The following MROH1 variants were observed in gnomAD, a reference collection of about 807,000 sequenced individuals.
MROH1 encodes maestro heat like repeat family member 1, also known as maestro heat-like repeat-containing protein family member 1.
Under a neutral mutation model 116.5 loss-of-function variants are expected in MROH1, and 117 were observed. The observed-to-expected ratio is 1.00, with a 90% confidence interval of 0.86 to 1.17. The LOEUF is 1.17. Ranked by LOEUF, MROH1 falls within the 50% of genes most tolerant of loss-of-function variation. The pLI, the probability that MROH1 is intolerant of heterozygous loss-of-function variation, is 0.00. For synonymous variants in MROH1, 921 were observed against 583.9 expected (o/e 1.58, Z -8.32); for missense variants, 1,873 against 1,338.5 (o/e 1.40, Z -6.23).
At chr8:144,253,435 C>T (rs1311056287) in intron 33 of MROH1, among the ~76,000 whole-genome samples, 1 of 152,216 alleles carries the variant, frequency 6.6e-6, no homozygotes, top group Admixed American at 6.5e-5. Context: ...CATTGTCTGT[C>T]CTGGTCAGAA....
intron 29 of MROH1, among the ~76,000 whole-genome samples, chr8:144,245,658 TTCTC>T (rs1205352661): frequency 0.014 from 2,156 of 152,318 alleles, 38 homozygotes; most frequent in African/African-American, 0.047. Context: ...AGGCTTTCTT[TTCTC>T]TCTCTTTTTT....
intron 14 of MROH1, among the ~76,000 whole-genome samples, chr8:144,230,877 A>T (rs554182436): frequency 7.4e-6 from 1 of 135,810 alleles, no homozygotes; most frequent in East Asian, 2.1e-4. Context: ...GCAGGGTCAC[A>T]GGACAATAGT....
At chr8:144,195,206 A>AAAAAAAAAAAAAAAAAC (rs1454890588) in intron 10 of MROH1, among the ~76,000 whole-genome samples, 1 of 134,944 alleles carries the variant, frequency 7.4e-6, no homozygotes, top group African/African-American at 2.7e-5. Flanking sequence ...AAAAAAAAAA[A>AAAAAAAAAAAAAAAAAC]AAAAAAAAAA....
At position 144,227,687 on chromosome 8, in the gene MROH1, C is replaced by T. The variant is rs1297286322; in HGVS notation, c.1338+4457C>T. On this transcript the variant is annotated intron_variant, in intron 14 of 43. Transcript: ENST00000326134. ...AATGCTGGGCCAGCGCAGTGGCTCA[C>T]ACCTGTAATCCCAGCACTTTGGGAG... Among the ~76,000 whole-genome samples the T allele has an allele frequency of 2.7e-5, 4 of 150,172 alleles. 1 individual carries two copies. The highest frequency in any genetic ancestry group is 1.5e-5 in the Non-Finnish European group (1 of 67,506).
intron 33 of MROH1, chr8:144,250,783 C>A: frequency 2.8e-6 from 1 of 357,178 alleles, no homozygotes; most frequent in South Asian, 2.2e-5. Flanking sequence ...TGAGCAGACC[C>A]CTGGGAACTG....
chr8:144,191,409 G>A (rs1052697050), intron 8 of MROH1, among the ~76,000 whole-genome samples: 20 of 152,142 alleles, frequency 1.3e-4, no homozygotes, highest in Admixed American at 1.2e-3. Context: ...CCCCTCTGCA[G>A]TCCCCATACT....
At chr8:144,222,611 G>A (rs1186270312) in intron 13 of MROH1, among the ~76,000 whole-genome samples, 2 of 151,958 alleles carry the variant, frequency 1.3e-5, no homozygotes, top group Non-Finnish European at 2.9e-5. Flanking sequence ...GGTAATTATA[G>A]GTATGGGTGT....
chr8:144,148,822 A>G, intron 1 of MROH1: 1 of 152,836 alleles, frequency 6.5e-6, no homozygotes, highest in Non-Finnish European at 1.5e-5. Context: ...CACTCTGGGG[A>G]GGGGCTCCTT....
intron 1 of MROH1, chr8:144,148,935 G>A (rs1816070108): frequency 6.5e-6 from 1 of 152,672 alleles, no homozygotes; most frequent in Non-Finnish European, 1.5e-5. Flanking sequence ...TGTGAGCAGA[G>A]TTGGGTCGGG....
chr8:144,236,527 A>AG (rs1840068022), intron 14 of MROH1, among the ~76,000 whole-genome samples: 6 of 152,002 alleles, frequency 3.9e-5, no homozygotes, highest in South Asian at 2.1e-4. Context: ...GATCACTTGA[A>AG]GTCGGGAGTT....
chr8:144,200,542 G>C lies in MROH1; in HGVS notation c.1141+1G>C. ...GTCAGACATGTCATCAACTCAGCTG[G>C]TGAGTGCCTCCATGCTAGCCTGGCC... On this transcript the variant is annotated splice_donor_variant, in intron 12 of 43. Transcript: ENST00000326134. LOFTEE classifies it high-confidence loss of function. 7 of 1,547,936 alleles carry C rather than the reference G, an allele frequency of 4.5e-6. No individual in the cohort carries two copies. The highest frequency in any genetic ancestry group is 5.2e-6 in the Non-Finnish European group (6 of 1,144,694).
At chr8:144,200,586 C>T in intron 12 of MROH1, 45 bp downstream of exon 12, 1 of 1,286,638 alleles carries the variant, frequency 7.8e-7, no homozygotes. Flanking sequence ...TGGCCATGTC[C>T]AGGATGGAGC....
Position 144,207,332 on chromosome 8 carries a change from C to T in MROH1, c.1141+6791C>T, listed in dbSNP as rs1195298787. 6.6e-5 allele frequency among the ~76,000 whole-genome samples: 10 copies of T among 152,014 alleles called. No individual in the cohort carries two copies. In the East Asian group the frequency reaches 7.8e-4, roughly 12 times the overall value. ...CCTCCCAAGTAGCTAGGACTACAGGCGCTCACCACCATGCCCAGCTAATTT... is the reference window on the plus strand; with the variant it reads ...CCTCCCAAGTAGCTAGGACTACAGGTGCTCACCACCATGCCCAGCTAATTT... On this transcript the variant is annotated intron_variant, in intron 12 of 43. Transcript: ENST00000326134.
intron 35 of MROH1, among the ~76,000 whole-genome samples, chr8:144,256,906 C>CTT (rs1843947332): frequency 6.6e-6 from 1 of 152,254 alleles, no homozygotes; most frequent in East Asian, 1.9e-4. Context: ...CAGATGGGGC[C>CTT]TTGCAGGGCT....
intron 7 of MROH1, among the ~76,000 whole-genome samples, chr8:144,188,644 T>C (rs1366211490): frequency 6.6e-6 from 1 of 151,926 alleles, no homozygotes; most frequent in African/African-American, 2.4e-5. Context: ...TTTTTTGTAT[T>C]TTTAGTACAG....
In MROH1 at chr8:144,238,776, C is replaced by A; in HGVS notation, c.1359C>A (p.Gly453=). The A allele has an allele frequency of 5.2e-6, 4 of 773,580 alleles. No individual in the cohort carries two copies. The highest frequency in any genetic ancestry group is 9.6e-6 in the Non-Finnish European group (4 of 417,684). The allele number at this position is 773,580 out of a possible 1,614,324, so 47.9% of individuals were successfully genotyped here. A position where few individuals can be genotyped will look rare whatever the true frequency, so the allele number is the denominator to read the frequency against. ...PEQEPEKPGP[G]SKDPKADSVR... is the part of the protein sequence containing the mutation. Reference sequence around the variant, plus strand: ...TCCAGCCTGAGAAGCCAGGCCCCGGCAGCAAGGACCCCAAGGCCGACAGCG... The same window carrying A: ...TCCAGCCTGAGAAGCCAGGCCCCGGAAGCAAGGACCCCAAGGCCGACAGCG... Residue 453 remains glycine, a synonymous_variant, in exon 15 of 44, where the codon GGC becomes GGA. Coordinates refer to ENST00000326134, the MANE Select transcript of MROH1 (RefSeq NM_032450.3).
At chr8:144,166,232 G>T (rs1036676860) in intron 3 of MROH1, among the ~76,000 whole-genome samples, 3 of 152,196 alleles carry the variant, frequency 2.0e-5, no homozygotes, top group Admixed American at 1.3e-4. Context: ...GCAGCCCAAA[G>T]GCCCCACTCT....
intron 1 of MROH1, chr8:144,148,960 C>T (rs1816079231): frequency 6.6e-6 from 1 of 152,450 alleles, no homozygotes; most frequent in African/African-American, 2.4e-5. Flanking sequence ...GCCCTGTAGG[C>T]AGGGACCACT....
intron 33 of MROH1, 45 bp from the exon 34 acceptor site, chr8:144,254,768 C>T (rs1375521949): frequency 1.3e-6 from 1 of 742,040 alleles, no homozygotes; most frequent in Non-Finnish European, 2.5e-6. Context: ...GGGCAGGCGC[C>T]CTGACCAGCC....
Sources: gnomAD v4.1 joint callset for allele counts (sites outside exome capture counted in the v4.1 genomes callset) on GRCh38, gnomAD v4.1.1 for gene constraint, MANE v1.5 for transcripts, NCBI Gene and HGNC (gene_info 2026-07-23, HGNC 2026-07-21) for gene names.